The following GALNT13 variants were observed in gnomAD, a reference collection of about 807,000 sequenced individuals.
GALNT13 encodes the protein polypeptide N-acetylgalactosaminyltransferase 13, also known as UDP-GalNAc:polypeptide N-acetylgalactosaminyltransferase 13.
A neutral mutation model predicts 64.2 loss-of-function variants in GALNT13; 28 were observed. The observed-to-expected ratio is 0.44, with a 90% CI of 0.32 to 0.60. The LOEUF (loss-of-function observed/expected upper bound fraction) is 0.60, where lower values mean the gene tolerates loss of function less well. GALNT13 is among the 20% of genes least tolerant of loss of function. The pLI, the probability that GALNT13 is intolerant of heterozygous loss-of-function variation, is 0.05. For missense variants in GALNT13, 577 were observed against 669.8 expected, an observed-to-expected ratio of 0.86 and a Z score of 1.53; for synonymous variants, 214 against 224.6, an observed-to-expected ratio of 0.95 and a Z score of 0.42.
chr2:153,745,289 T>C, the GALNT13 span, among the ~76,000 whole-genome samples: 1 of 152,210 alleles, frequency 6.6e-6, no homozygotes, highest in African/African-American at 2.4e-5. Flanking sequence ...GCTGGTTATT[T>C]AAAAAATAAC....
At chr2:154,149,434 C>T (rs1683836912) in intron 4 of GALNT13, among the ~76,000 whole-genome samples, 1 of 148,170 alleles carries the variant, frequency 6.7e-6, no homozygotes, top group Non-Finnish European at 1.5e-5. Flanking sequence ...TCCATATGAA[C>T]TTTAAGTAGT....
chr2:153,520,504 G>A, the GALNT13 span, among the ~76,000 whole-genome samples: 2 of 152,296 alleles, frequency 1.3e-5, no homozygotes, highest in African/African-American at 4.8e-5. Context: ...GAAGAAATCA[G>A]AACTCAGTCT....
chr2:154,051,582 G>A (rs1375850458), intron 3 of GALNT13, among the ~76,000 whole-genome samples: 1 of 152,032 alleles, frequency 6.6e-6, no homozygotes, highest in Non-Finnish European at 1.5e-5. Flanking sequence ...GAGCCACCGC[G>A]CCCGGCCATC....
At chr2:153,431,015 T>C in the GALNT13 span, among the ~76,000 whole-genome samples, 1 of 151,886 alleles carries the variant, frequency 6.6e-6, no homozygotes, top group Non-Finnish European at 1.5e-5. Context: ...CTGGGCATGG[T>C]GGCACATGCC....
chr2:153,497,671 G>A, the GALNT13 span, among the ~76,000 whole-genome samples: 1 of 151,296 alleles, frequency 6.6e-6, no homozygotes, highest in Admixed American at 6.6e-5. Context: ...CTGAATAGCT[G>A]GGATTATAGG....
chr2:153,356,610 T>C, the GALNT13 span: 1 of 152,148 alleles, frequency 6.6e-6, no homozygotes, highest in Non-Finnish European at 1.5e-5. Flanking sequence ...TTTATAGTGT[T>C]ATAGCTCAGT....
the GALNT13 span, among the ~76,000 whole-genome samples, chr2:153,704,122 A>G: frequency 5.9e-5 from 9 of 152,128 alleles, no homozygotes; most frequent in Admixed American, 3.3e-4. Flanking sequence ...AAGAATTAGA[A>G]AAAAATGACT....
the GALNT13 span, among the ~76,000 whole-genome samples, chr2:153,560,516 TAGAA>T: frequency 2.0e-5 from 3 of 152,072 alleles, no homozygotes; most frequent in Admixed American, 1.3e-4. Context: ...TAGTACATGA[TAGAA>T]AGAATGTATC....
At chr2:153,421,130 A>G in the GALNT13 span, 1 of 261,550 alleles carries the variant, frequency 3.8e-6, no homozygotes, top group Non-Finnish European at 8.1e-6. Context: ...TGCCTGGCTC[A>G]AAGTGAGCAC....
chr2:153,921,004 G>A (rs1328988932), intron 2 of GALNT13, among the ~76,000 whole-genome samples: 2 of 152,176 alleles, frequency 1.3e-5, no homozygotes, highest in South Asian at 2.1e-4. Flanking sequence ...GGAGAAAAGG[G>A]AACGCTTATA....
At chr2:154,328,986 T>C (rs543238702) in intron 9 of GALNT13, among the ~76,000 whole-genome samples, 14 of 152,146 alleles carry the variant, frequency 9.2e-5, no homozygotes, top group Non-Finnish European at 1.6e-4. Flanking sequence ...TCGTTCATGT[T>C]TTATTTGTAT....
chr2:153,758,537 A>G, the GALNT13 span, among the ~76,000 whole-genome samples: 1 of 152,112 alleles, frequency 6.6e-6, no homozygotes, highest in East Asian at 1.9e-4. Context: ...ATGAATTTAC[A>G]TTTCGGTAGA....
intron 3 of GALNT13, among the ~76,000 whole-genome samples, chr2:154,050,007 T>G (rs1699497596): frequency 6.6e-6 from 1 of 152,142 alleles, no homozygotes; most frequent in African/African-American, 2.4e-5. Context: ...TATTATTAAT[T>G]GGGTGAATTT....
At chr2:153,511,197 A>G in the GALNT13 span, among the ~76,000 whole-genome samples, 43 of 152,200 alleles carry the variant, frequency 2.8e-4, no homozygotes, top group Non-Finnish European at 5.3e-4. Context: ...GGAATGACTC[A>G]GCAAAAAGGA....
At chr2:153,315,884 A>C in the GALNT13 span, among the ~76,000 whole-genome samples, 1 of 152,182 alleles carries the variant, frequency 6.6e-6, no homozygotes, top group Non-Finnish European at 1.5e-5. Flanking sequence ...ACTGGGAAGA[A>C]ATATTTGCAC....
At chr2:154,395,932 A>T in intron 9 of GALNT13, 59 bp from the exon 10 acceptor site, 10 of 1,462,880 alleles carry the variant, frequency 6.8e-6, no homozygotes, top group Non-Finnish European at 9.1e-6. Flanking sequence ...TAAATGTAGT[A>T]AAACAGTACT....
At chr2:153,934,176 G>A (rs982869887) in intron 2 of GALNT13, among the ~76,000 whole-genome samples, 1 of 152,144 alleles carries the variant, frequency 6.6e-6, no homozygotes, top group Non-Finnish European at 1.5e-5. Flanking sequence ...ATATCTGTTG[G>A]ATAAATGAAA....
intron 3 of GALNT13, among the ~76,000 whole-genome samples, chr2:154,038,242 A>T (rs571329810): frequency 5.9e-5 from 9 of 152,308 alleles, no homozygotes; most frequent in African/African-American, 2.2e-4. Flanking sequence ...TAAAATTTCA[A>T]TGACATTTTT....
chr2:153,277,927 C>CTTTTCT, the GALNT13 span, among the ~76,000 whole-genome samples: 13 of 80,112 alleles, frequency 1.6e-4, no homozygotes, highest in African/African-American at 5.6e-4. Flanking sequence ...TCTTTTCTTT[C>CTTTTCT]TTTTTTTTTT....
Sources: allele counts gnomAD v4.1 joint callset (sites outside exome capture counted in the v4.1 genomes callset), GRCh38; gene constraint gnomAD v4.1.1; transcripts MANE v1.5; gene names NCBI Gene and HGNC (gene_info 2026-07-23, HGNC 2026-07-21).